HGD: variants seen among roughly 807,000 people sequenced by gnomAD.
HGD encodes the protein homogentisate oxidase.
HGD carries 61 observed loss-of-function variants against 60.8 expected under a neutral mutation model. The ratio of observed to expected loss-of-function variants is 1.00; its 90% CI spans 0.82 to 1.24. The LOEUF (loss-of-function observed/expected upper bound fraction) is 1.24, where lower values mean the gene tolerates loss of function less well. HGD is among the 50% of genes most tolerant of loss of function. The pLI, the probability that HGD is intolerant of heterozygous loss-of-function variation, is 0.00. For missense variants in HGD, 542 were observed against 547.1 expected, an observed-to-expected ratio of 0.99 and a Z score of 0.09; for synonymous variants, 212 against 187.7, an observed-to-expected ratio of 1.13 and a Z score of -1.06.
intron 1 of HGD, 87 bp from the exon 2 acceptor site, chr3:120,675,950 C>T: frequency 1.1e-6 from 1 of 882,124 alleles, no homozygotes; most frequent in Non-Finnish European, 1.9e-6. Flanking sequence ...GTAAGAATTT[C>T]TATATGGACC....
At chr3:120,644,968 A>G (rs574376687) in intron 9 of HGD, among the ~76,000 whole-genome samples, 1 of 152,350 alleles carries the variant, frequency 6.6e-6, no homozygotes, top group South Asian at 2.1e-4. Context: ...AGGAAGAAGT[A>G]TTTAGGACCT....
chr3:120,664,467 G>A (rs372881730), intron 4 of HGD, among the ~76,000 whole-genome samples: 9 of 107,660 alleles, frequency 8.4e-5, no homozygotes, highest in African/African-American at 3.3e-4. Flanking sequence ...TCACACTGTT[G>A]CCCAGGCTGG....
intron 12 of HGD, among the ~76,000 whole-genome samples, chr3:120,633,935 A>G (rs886451688): frequency 1.3e-5 from 2 of 152,156 alleles, no homozygotes; most frequent in Non-Finnish European, 2.9e-5. Flanking sequence ...ATTATAACAA[A>G]TATTATCTTC....
At chr3:120,676,110 G>T (rs564476102) in intron 1 of HGD, among the ~76,000 whole-genome samples, 1 of 152,208 alleles carries the variant, frequency 6.6e-6, no homozygotes, top group South Asian at 2.1e-4. Context: ...TCCACCCTTA[G>T]CTGTACTTAG....
At chr3:120,662,802 G>C (rs1707807642) in intron 4 of HGD, among the ~76,000 whole-genome samples, 1 of 152,122 alleles carries the variant, frequency 6.6e-6, no homozygotes, top group Non-Finnish European at 1.5e-5. Flanking sequence ...GCTAGATTGT[G>C]TTCCTCCTCC....
chr3:120,675,740 G>C, intron 2 of HGD, 52 bp downstream of exon 2: 2 of 1,423,340 alleles, frequency 1.4e-6, no homozygotes, highest in South Asian at 1.1e-5. Context: ...CTGAAAGCTA[G>C]TCATCCAGGA....
intron 1 of HGD, among the ~76,000 whole-genome samples, chr3:120,678,707 G>T (rs931365196): frequency 6.6e-6 from 1 of 152,226 alleles, no homozygotes; most frequent in African/African-American, 2.4e-5. Context: ...AAAGAGGAAG[G>T]TGAAAACTGC....
At chr3:120,667,123 G>A (rs1198830777) in intron 4 of HGD, among the ~76,000 whole-genome samples, 7 of 151,608 alleles carry the variant, frequency 4.6e-5, no homozygotes, top group South Asian at 2.1e-4. Context: ...CCAGGAGTTC[G>A]AGACCAGCCT....
intron 4 of HGD, among the ~76,000 whole-genome samples, chr3:120,655,298 G>A (rs1349100727): frequency 6.6e-6 from 1 of 152,148 alleles, no homozygotes; most frequent in Non-Finnish European, 1.5e-5. Flanking sequence ...TGAGGTGGTG[G>A]AAGAAAATGC....
At chr3:120,652,866 G>T (rs1941386275) in intron 4 of HGD, among the ~76,000 whole-genome samples, 1 of 152,216 alleles carries the variant, frequency 6.6e-6, no homozygotes, top group African/African-American at 2.4e-5. Context: ...ACATGTTTGT[G>T]TGTTTAAAAC....
At chr3:120,641,819 C>T (rs112051606) in intron 10 of HGD, 126 bp from the exon 11 acceptor site, 15 of 747,266 alleles carry the variant, frequency 2.0e-5, no homozygotes, top group African/African-American at 6.9e-5. Context: ...TTAATTTTAC[C>T]GTCCTTTGGG....
At chr3:120,643,799 C>T (rs1330458785) in intron 10 of HGD, among the ~76,000 whole-genome samples, 1 of 152,072 alleles carries the variant, frequency 6.6e-6, no homozygotes, top group African/African-American at 2.4e-5. Context: ...TTATTAATAT[C>T]TGTGCCTTTG....
intron 4 of HGD, among the ~76,000 whole-genome samples, chr3:120,661,185 T>G (rs1400147933): frequency 2.6e-5 from 4 of 152,162 alleles, no homozygotes; most frequent in African/African-American, 9.7e-5. Context: ...TTGACCTGTT[T>G]CCCAAATTAT....
At position 120,647,065 on chromosome 3, in the gene HGD, G is replaced by C; in HGVS notation, c.470-13C>G. On this transcript the variant is annotated splice_polypyrimidine_tract_variant and intron_variant, in intron 7 of 13. Coordinates refer to ENST00000283871, the MANE Select transcript of HGD (RefSeq NM_000187.4). ...CCTTTCTGCGGAACTGACAAAAAAAGACAGGGCAGTGGTGAGCAATTCTTT... is the reference window on the plus strand; with the variant it reads ...CCTTTCTGCGGAACTGACAAAAAAACACAGGGCAGTGGTGAGCAATTCTTT... 1 of 1,608,132 alleles carries C rather than the reference G, an allele frequency of 6.2e-7. No homozygotes were observed. Among genetic ancestry groups the C allele is most frequent in the Non-Finnish European group, 8.5e-7 (1 of 1,174,562 alleles).
chr3:120,660,051 C>T (rs763475352), intron 4 of HGD, among the ~76,000 whole-genome samples: 34 of 152,026 alleles, frequency 2.2e-4, no homozygotes, highest in Non-Finnish European at 4.0e-4. Flanking sequence ...TCTTTAAAAG[C>T]GTGTAGCACC....
rs777547119 is a variant in HGD at position 120,675,839 on chromosome 3, A to G, written c.40T>C (p.Cys14Arg). 1 of 1,613,604 alleles carries G rather than the reference A, an allele frequency of 6.2e-7. No individual in the cohort carries two copies. The highest frequency in any genetic ancestry group is 8.5e-7 in the Non-Finnish European group (1 of 1,179,600). ...GGGCAGCGAGGATCCTCTGAAGAAC[A>G]CTCATTCCCAAATCCAGAAATGTAC... ...LKYISGFGNE[C>R]SSEDPRCPGS... is the part of the protein sequence containing the mutation. The change falls in exon 2 of 14, where the codon TGT (cysteine) becomes CGT (arginine). Residue 14 changes from cysteine (C) to arginine (R), a missense_variant. Around this residue, in one of 2 missense-constraint regions of HGD, gnomAD observed 537 missense variants for 529.1 expected, o/e 1.01. Transcript: ENST00000283871.
intron 12 of HGD, 159 bp from the exon 13 acceptor site, chr3:120,633,487 T>C (rs1335740537): frequency 6.5e-7 from 1 of 1,532,754 alleles, no homozygotes; most frequent in Non-Finnish European, 8.7e-7. Context: ...AGAACAATCA[T>C]AAAACATTCA....
intron 4 of HGD, among the ~76,000 whole-genome samples, chr3:120,658,173 T>C (rs1941557279): frequency 6.6e-6 from 1 of 152,212 alleles, no homozygotes; most frequent in African/African-American, 2.4e-5. Flanking sequence ...CTCATTCTAG[T>C]ATTAACTCAA....
intron 3 of HGD, among the ~76,000 whole-genome samples, chr3:120,671,448 T>C (rs987979799): frequency 7.9e-5 from 12 of 152,202 alleles, no homozygotes; most frequent in African/African-American, 1.4e-4. Flanking sequence ...TTTATCATTT[T>C]CTATTGGGTT....
Sources: allele counts gnomAD v4.1 joint callset (sites outside exome capture counted in the v4.1 genomes callset), GRCh38; gene constraint gnomAD v4.1.1; regional missense constraint gnomAD v4.1.1; transcripts MANE v1.5; gene names NCBI Gene and HGNC (gene_info 2026-07-23, HGNC 2026-07-21).